Variants in MACROH2A2 observed in about 807,000 individuals in gnomAD.
MACROH2A2 encodes the protein macroH2A.2 histone, also known as core histone macro-H2A.2.
A neutral mutation model predicts 37.6 loss-of-function variants in MACROH2A2; 6 were observed. That is an observed-to-expected ratio of 0.16 (90% CI 0.09 to 0.32). MACROH2A2 has a LOEUF of 0.32. Among genes scored for constraint, MACROH2A2 ranks in the 10% least tolerant of loss-of-function variants. The pLI is 1.00. For missense variants in MACROH2A2, 290 were observed against 485.9 expected, an observed-to-expected ratio of 0.60 and a Z score of 3.79; for synonymous variants, 192 against 202.7, an observed-to-expected ratio of 0.95 and a Z score of 0.45.
chr10:70,090,193 G>A (rs374054851), intron 3 of MACROH2A2, 27 bp downstream of exon 3: 41 of 1,456,416 alleles, frequency 2.8e-5, no homozygotes, highest in Admixed American at 1.2e-4. Flanking sequence ...GAGGGAAGCC[G>A]TAGAATGGGT....
chr10:70,084,413 A>T (rs2072198640), intron 2 of MACROH2A2, among the ~76,000 whole-genome samples: 1 of 152,228 alleles, frequency 6.6e-6, no homozygotes, highest in African/African-American at 2.4e-5. Flanking sequence ...CTTGCTGGGC[A>T]TGGTGGCTCA....
At chr10:70,087,439 G>C (rs947070412) in intron 2 of MACROH2A2, among the ~76,000 whole-genome samples, 3 of 151,798 alleles carry the variant, frequency 2.0e-5, no homozygotes, top group African/African-American at 7.3e-5. Flanking sequence ...CACCATGTTG[G>C]CCAGTCTGGT....
At chr10:70,077,944 C>G (rs180731703) in intron 2 of MACROH2A2, among the ~76,000 whole-genome samples, 1 of 152,270 alleles carries the variant, frequency 6.6e-6, no homozygotes, top group Admixed American at 6.5e-5. Context: ...TGCAAGATCC[C>G]ACAGCTTCCA....
At chr10:70,055,751 G>A (rs2072011672) in intron 1 of MACROH2A2, among the ~76,000 whole-genome samples, 2 of 152,244 alleles carry the variant, frequency 1.3e-5, no homozygotes, top group East Asian at 1.9e-4. Context: ...AATTAATAAT[G>A]CACACATTCT....
Position 70,073,964 on chromosome 10 carries a change from G to A in MACROH2A2, c.-59-1636G>A, listed in dbSNP as rs539629952. Reference sequence around the variant, plus strand: ...CTCATTTTTCATCTCCAGAGGAAACGGCCCCTGAGAACGCCATTGACCTTG... The same window carrying A: ...CTCATTTTTCATCTCCAGAGGAAACAGCCCCTGAGAACGCCATTGACCTTG... On this transcript the variant is annotated intron_variant, in intron 1 of 8. Transcript: ENST00000373255. Among the ~76,000 whole-genome samples, 11 of 152,224 alleles carry A rather than the reference G, an allele frequency of 7.2e-5. No homozygotes were observed. The South Asian group carries it at 1.0e-3, about 14-fold the overall frequency.
intron 2 of MACROH2A2, among the ~76,000 whole-genome samples, chr10:70,088,473 G>T (rs939431385): frequency 6.6e-6 from 1 of 152,242 alleles, no homozygotes; most frequent in Admixed American, 6.5e-5. Context: ...AACAGAAGAG[G>T]AAGGGGGAAA....
At chr10:70,108,482 A>T (rs141314437) in intron 7 of MACROH2A2, among the ~76,000 whole-genome samples, 2 of 152,046 alleles carry the variant, frequency 1.3e-5, no homozygotes, top group East Asian at 3.9e-4. Flanking sequence ...CATCGTTCCA[A>T]TCTCTGTCTC....
chr10:70,080,526 A>G (rs1011351660), intron 2 of MACROH2A2, among the ~76,000 whole-genome samples: 2 of 152,102 alleles, frequency 1.3e-5, no homozygotes, highest in Non-Finnish European at 2.9e-5. Flanking sequence ...ACTTGAGTCC[A>G]GGAGTTCCAG....
intron 7 of MACROH2A2, among the ~76,000 whole-genome samples, chr10:70,103,015 A>G (rs2072315988): frequency 6.6e-6 from 1 of 151,428 alleles, no homozygotes; most frequent in African/African-American, 2.4e-5. Flanking sequence ...GGCCAGAGCC[A>G]GACTCACTGC....
rs1161381537 is a variant in MACROH2A2 at position 70,075,646 on chromosome 10, A to C, written c.-13A>C. On this transcript the variant is annotated 5_prime_UTR_variant, in exon 2 of 9. Transcript: ENST00000373255. The surrounding 1 kb of genome is among the most constrained non-coding windows in gnomAD (Gnocchi z 5.0). ...CCACTGTGTCAGCAAGCTGAGAGGG[A>C]AACTGAAGCAAGATGTCGGGCCGGA... is the stretch of plus-strand genomic sequence containing the variant. 1 of 1,613,668 alleles carries C rather than the reference A, an allele frequency of 6.2e-7. No homozygotes were observed.
chr10:70,110,018 G>A (rs898984248), intron 8 of MACROH2A2, among the ~76,000 whole-genome samples: 3 of 152,154 alleles, frequency 2.0e-5, no homozygotes, highest in Admixed American at 2.0e-4. Flanking sequence ...GGAAAATAAT[G>A]AGACCTAGGT....
At position 70,100,143 on chromosome 10, in the gene MACROH2A2, A is replaced by G. The variant is rs2072298268; in HGVS notation, c.689-65A>G. The G allele has an allele frequency of 6.1e-6, 5 of 821,560 alleles. No individual in the cohort carries two copies. In the South Asian group the frequency reaches 7.6e-5, roughly 13 times the overall value. The allele number at this position is 821,560 out of a possible 1,614,324, so 50.9% of individuals were successfully genotyped here. On this transcript the variant is annotated intron_variant, in intron 6 of 8. Transcript: ENST00000373255. ...TGTTTTCTCCTGGCCTACTACAAATATGTCAAACAGTGTAATTAGATTGAA... is the reference window on the plus strand; with the variant it reads ...TGTTTTCTCCTGGCCTACTACAAATGTGTCAAACAGTGTAATTAGATTGAA...
At chr10:70,095,080 G>A (rs1165769691) in intron 5 of MACROH2A2, among the ~76,000 whole-genome samples, 2 of 152,140 alleles carry the variant, frequency 1.3e-5, no homozygotes, top group Non-Finnish European at 2.9e-5. Flanking sequence ...AGAAAGAAAG[G>A]AGAGGGGGCC....
At chr10:70,091,128 G>C (rs1041208387) in intron 3 of MACROH2A2, among the ~76,000 whole-genome samples, 1 of 152,216 alleles carries the variant, frequency 6.6e-6, no homozygotes, top group African/African-American at 2.4e-5. Flanking sequence ...ATTTTCTCAA[G>C]CTGCGCTCCC....
rs149608498 is a variant in MACROH2A2 at position 70,080,885 on chromosome 10, C to CAAA, written c.172+5081_172+5083dup. 7.5e-4 allele frequency among the ~76,000 whole-genome samples: 24 copies of CAAA among 31,980 alleles called. 2 individuals carry two copies. Among genetic ancestry groups the CAAA allele is most frequent in the African/African-American group, 2.8e-3 (20 of 7,246 alleles). 21.0% of individuals were successfully genotyped at this position (31,980 alleles called of 152,430 possible). On this transcript the variant is annotated intron_variant, in intron 2 of 8. Coordinates refer to ENST00000373255, the MANE Select transcript of MACROH2A2 (RefSeq NM_018649.3). The stretch of plus-strand genomic sequence containing the variant: ...GGGGAACAACAGTGAAACTCCATCT[C>CAAA]AAAAAAAAAAAAAAAAAAAAAAAAA...
intron 5 of MACROH2A2, among the ~76,000 whole-genome samples, chr10:70,094,399 A>T (rs754729519): frequency 6.6e-6 from 1 of 151,816 alleles, no homozygotes; most frequent in Admixed American, 6.6e-5. Flanking sequence ...CCAACCAGAC[A>T]TGCAAATAAT....
At chr10:70,066,795 G>A (rs1055331335) in intron 1 of MACROH2A2, among the ~76,000 whole-genome samples, 1 of 152,198 alleles carries the variant, frequency 6.6e-6, no homozygotes, top group African/African-American at 2.4e-5. Flanking sequence ...ACACGGAGCA[G>A]CAAAACATCT....
At chr10:70,106,784 CAG>C (rs1015866960) in intron 7 of MACROH2A2, among the ~76,000 whole-genome samples, 19 of 121,682 alleles carry the variant, frequency 1.6e-4, no homozygotes, top group Non-Finnish European at 3.1e-4. Context: ...GCCTGGGCAA[CAG>C]AGGGGCATCC....
Position 70,053,647 on chromosome 10 carries a change from C to G in MACROH2A2, c.-60+647C>G, listed in dbSNP as rs976747949. 6.6e-5 allele frequency among the ~76,000 whole-genome samples: 10 copies of G among 151,030 alleles called. No homozygotes were observed. The highest frequency in any genetic ancestry group is 1.2e-4 in the Non-Finnish European group (8 of 67,692). ...GGCTGGGGGTTGCTGCGCGGACACC[C>G]GGGCGCCGCGGGCGGGCGTGCGCCC... On this transcript the variant is annotated intron_variant, in intron 1 of 8. Coordinates refer to ENST00000373255, the MANE Select transcript of MACROH2A2 (RefSeq NM_018649.3). The surrounding 1 kb of genome is among the most constrained non-coding windows in gnomAD (Gnocchi z 4.8).
Sources: allele counts gnomAD v4.1 joint callset (sites outside exome capture counted in the v4.1 genomes callset), GRCh38; gene constraint gnomAD v4.1.1; non-coding constraint Gnocchi (gnomAD v3.1); transcripts MANE v1.5; gene names NCBI Gene and HGNC (gene_info 2026-07-23, HGNC 2026-07-21).